Variants in CDH17 observed in about 807,000 individuals in gnomAD.
CDH17 encodes the protein cadherin 17.
CDH17 carries 67 observed loss-of-function variants against 86.3 expected under a neutral mutation model. That is an observed-to-expected ratio of 0.78 (90% CI 0.64 to 0.95). CDH17 has a LOEUF of 0.95. Ranked by LOEUF, CDH17 falls within the 40% of genes least tolerant of loss-of-function variation. The probability of loss-of-function intolerance (pLI) is 0.00; values close to 1 mark genes in which losing one functional copy is unlikely to be tolerated. For missense variants in CDH17, 993 were observed against 1,017.6 expected (o/e 0.98, Z 0.33); for synonymous variants, 367 against 366.4 (o/e 1.00, Z -0.02).
intron 17 of CDH17, among the ~76,000 whole-genome samples, chr8:94,129,981 C>A (rs1001570624): frequency 6.6e-6 from 1 of 152,152 alleles, no homozygotes; most frequent in African/African-American, 2.4e-5. Context: ...ATCTGAAACA[C>A]TTCTGCTCTC....
intron 5 of CDH17, among the ~76,000 whole-genome samples, chr8:94,175,954 T>A (rs919107425): frequency 3.3e-5 from 5 of 152,124 alleles, no homozygotes; most frequent in African/African-American, 1.2e-4. Context: ...AATAGTGTGA[T>A]CACAACTTAC....
intron 15 of CDH17, among the ~76,000 whole-genome samples, chr8:94,144,122 C>T (rs144014638): frequency 4.5e-4 from 69 of 152,216 alleles, no homozygotes; most frequent in Non-Finnish European, 7.9e-4. Flanking sequence ...ACTTACATGC[C>T]ATTTTAAGGT....
chr8:94,198,477 T>C (rs1383615332), intron 1 of CDH17, among the ~76,000 whole-genome samples: 2 of 152,220 alleles, frequency 1.3e-5, no homozygotes, highest in African/African-American at 4.8e-5. Flanking sequence ...TCTAACAAAC[T>C]AGTTTTCTGT....
intron 1 of CDH17, chr8:94,217,112 AAT>A (rs1200618813): frequency 7.6e-6 from 1 of 132,310 alleles, no homozygotes; most frequent in Admixed American, 8.2e-5. Flanking sequence ...TGATTCAAAA[AAT>A]AATAAGAATA....
chr8:94,185,730 A>G (rs1813566238), intron 3 of CDH17, among the ~76,000 whole-genome samples: 1 of 152,196 alleles, frequency 6.6e-6, no homozygotes, highest in Admixed American at 6.5e-5. Flanking sequence ...TTTTTACATC[A>G]GTGAATTTTA....
Position 94,177,711 on chromosome 8 carries a change from T to C in CDH17, c.161A>G (p.Asn54Ser), listed in dbSNP as rs538923721. 2 of 1,613,694 alleles carry C rather than the reference T, an allele frequency of 1.2e-6. No individual in the cohort carries two copies. The highest frequency in any genetic ancestry group is 2.7e-5 in the African/African-American group (2 of 75,016). Reference sequence around the variant, plus strand: ...TAGTTCAAAAGTCACAGCAGGAGGATTGGCCTTAAACTGGGGAAAAAGCAA... The same window carrying C: ...TAGTTCAAAAGTCACAGCAGGAGGACTGGCCTTAAACTGGGGAAAAAGCAA... ...PSQIIFQFKA[N>S]PPAVTFELTG... Residue 54 changes from asparagine to serine, a missense_variant, in exon 4 of 18, where the codon AAT (asparagine) becomes AGT (serine). Transcript: ENST00000027335.
In CDH17 at chr8:94,136,121, A is replaced by G. The variant is rs531828830; in HGVS notation, c.2168-5129T>C. 1.2e-3 allele frequency among the ~76,000 whole-genome samples: 190 copies of G among 152,098 alleles called. 1 individual carries two copies. Among genetic ancestry groups the G allele is most frequent in the African/African-American group, 4.2e-3 (174 of 41,488 alleles). ...TCATTTCAACCTTGGTGAATCTGAC[A>G]ATTATGTGTCTTGGGGTTGCTCTTC... On this transcript the variant is annotated intron_variant, in intron 15 of 17. Coordinates refer to ENST00000027335, the MANE Select transcript of CDH17 (RefSeq NM_004063.4).
In CDH17 at chr8:94,151,880, C is replaced by A. The variant is rs144917748; in HGVS notation, c.1784G>T (p.Gly595Val). 1.6e-5 allele frequency: 26 copies of A among 1,614,068 alleles called. No individual in the cohort carries two copies. The African/African-American group carries it at 2.3e-4, about 14-fold the overall frequency. The stretch of plus-strand genomic sequence containing the variant: ...TGTTGCCCTTTACCTTATGTCCAGA[C>A]CTTCTGGATCCTTGGCAGTCACATT... The part of the protein sequence containing the change: ...VGNVTAKDPE[G>V]LDISYSLRGD... Residue 595 changes from glycine (G) to valine (V), a missense_variant, in exon 13 of 18, where the codon GGT (glycine) becomes GTT (valine). Gly to Val is a moderately radical substitution (Grantham distance 109, BLOSUM62 -3). Transcript: ENST00000027335.
chr8:94,207,207 G>T (rs1264119599), intron 1 of CDH17, among the ~76,000 whole-genome samples: 3 of 152,110 alleles, frequency 2.0e-5, no homozygotes, highest in African/African-American at 7.2e-5. Flanking sequence ...AATGGTAGAT[G>T]CTATTTTTAT....
chr8:94,130,812 G>T, intron 16 of CDH17, 64 bp downstream of exon 16: 1 of 1,502,790 alleles, frequency 6.7e-7, no homozygotes, highest in Non-Finnish European at 9.3e-7. Context: ...TCAAAGACAA[G>T]AATCTCCTCA....
chr8:94,143,451 G>A (rs184740726), intron 15 of CDH17, among the ~76,000 whole-genome samples: 3 of 152,320 alleles, frequency 2.0e-5, no homozygotes, highest in South Asian at 4.2e-4. Flanking sequence ...TGCTAAATTA[G>A]GGTTGGCTTT....
chr8:94,145,891 CATCT>C, intron 15 of CDH17, 33 bp downstream of exon 15: 1 of 1,588,974 alleles, frequency 6.3e-7, no homozygotes, highest in Non-Finnish European at 8.6e-7. Context: ...TTTCATCATC[CATCT>C]ATGTTTTTTT....
At chr8:94,198,302 T>A (rs1397174077) in intron 1 of CDH17, among the ~76,000 whole-genome samples, 1 of 152,172 alleles carries the variant, frequency 6.6e-6, no homozygotes, top group South Asian at 2.1e-4. Flanking sequence ...ACATAATTAA[T>A]TTGGTTGACA....
chr8:94,151,692 C>T (rs1317946609), intron 13 of CDH17, among the ~76,000 whole-genome samples, 176 bp downstream of exon 13: 1 of 152,180 alleles, frequency 6.6e-6, no homozygotes, highest in African/African-American at 2.4e-5. Flanking sequence ...ATTGATGAAC[C>T]ACCATCCCTT....
chr8:94,200,532 CTTTTGTTTTTTTTTTTTT>C (rs1197056382), intron 1 of CDH17, among the ~76,000 whole-genome samples: 3 of 50,242 alleles, frequency 6.0e-5, no homozygotes, highest in African/African-American at 7.8e-5. Flanking sequence ...TTATTATTAT[CTTTTGTTTTTTTTTTTTT>C]TTTTTTTTTT....
rs200553467 is a variant in CDH17, at chr8:94,162,131, G to A, written c.1314C>T (p.Asn438=). The change falls in exon 11 of 18, where the codon AAC becomes AAT. Residue 438 remains asparagine, a synonymous_variant. Coordinates refer to ENST00000027335, the MANE Select transcript of CDH17 (RefSeq NM_004063.4). ...DFKTLCFVQI[N]VIDINDQIPI... Reference sequence around the variant, plus strand: ...GGATCTGATCATTGATATCAATAACGTTGATTTGCACAAAACAAAGGGTCT... The same window carrying A: ...GGATCTGATCATTGATATCAATAACATTGATTTGCACAAAACAAAGGGTCT... The A allele has an allele frequency of 9.5e-5, 152 of 1,608,300 alleles. 1 individual carries two copies. The highest frequency in any genetic ancestry group is 6.5e-4 in the East Asian group (29 of 44,798).
At chr8:94,185,313 A>C (rs889043392) in intron 3 of CDH17, among the ~76,000 whole-genome samples, 117 of 146,724 alleles carry the variant, frequency 8.0e-4, no homozygotes, top group African/African-American at 2.1e-3. Context: ...ACACACACAC[A>C]CCCCTGTAAA....
At chr8:94,146,911 A>T (rs1218722790) in intron 14 of CDH17, among the ~76,000 whole-genome samples, 2 of 151,204 alleles carry the variant, frequency 1.3e-5, no homozygotes, top group African/African-American at 4.9e-5. Flanking sequence ...GATTCCAGTA[A>T]TGTTTTCTTG....
At chr8:94,129,477 CAG>C (rs1004839613) in intron 17 of CDH17, among the ~76,000 whole-genome samples, 5 of 151,616 alleles carry the variant, frequency 3.3e-5, no homozygotes, top group African/African-American at 1.2e-4. Context: ...ATGCATGAAT[CAG>C]AGTCCAGTGT....
Sources: gnomAD v4.1 joint callset for allele counts (sites outside exome capture counted in the v4.1 genomes callset) on GRCh38, gnomAD v4.1.1 for gene constraint, MANE v1.5 for transcripts, NCBI Gene and HGNC (gene_info 2026-07-23, HGNC 2026-07-21) for gene names.